ROBO1: variants seen among roughly 807,000 people sequenced by gnomAD.
ROBO1 encodes the protein roundabout guidance receptor 1, also known as roundabout homolog 1.
Under a neutral mutation model 195.9 loss-of-function variants are expected in ROBO1, and 149 were observed. The ratio of observed to expected loss-of-function variants is 0.76; its 90% CI spans 0.67 to 0.87. ROBO1 has a LOEUF of 0.87. Among genes scored for constraint, ROBO1 ranks in the 40% least tolerant of loss-of-function variants. The pLI, the probability that ROBO1 is intolerant of heterozygous loss-of-function variation, is 0.00. For missense variants in ROBO1, 1,933 were observed against 2,068.3 expected (o/e 0.93, Z 1.27); for synonymous variants, 816 against 733.2 (o/e 1.11, Z -1.82).
intron 2 of ROBO1, among the ~76,000 whole-genome samples, chr3:79,324,157 G>A (rs541747651): frequency 6.6e-6 from 1 of 152,232 alleles, no homozygotes; most frequent in East Asian, 1.9e-4. Flanking sequence ...CTGGCCATAA[G>A]CCTTTAGGTG....
chr3:78,643,988 G>T lies in ROBO1; in HGVS notation c.2882+2160C>A, dbSNP rs1005515586. Among the ~76,000 whole-genome samples, 9 of 152,126 alleles carry T rather than the reference G, an allele frequency of 5.9e-5. No individual in the cohort carries two copies. In the East Asian group the frequency reaches 1.7e-3, roughly 30 times the overall value. On this transcript the variant is annotated intron_variant, in intron 21 of 30. Coordinates refer to ENST00000464233, the MANE Select transcript of ROBO1 (RefSeq NM_002941.4). ...GCTTTGGTGTCATTAACTATGTGAG[G>T]TAGGAGGTCCAGTGAGGACTCAGAA...
intron 2 of ROBO1, among the ~76,000 whole-genome samples, chr3:79,326,210 G>A (rs2034204844): frequency 6.6e-6 from 1 of 152,134 alleles, no homozygotes; most frequent in African/African-American, 2.4e-5. Flanking sequence ...CCCCGGTCCT[G>A]TGGTCCTGTG....
chr3:79,607,602 G>GTTTTT (rs58634211), intron 1 of ROBO1, among the ~76,000 whole-genome samples: 2 of 147,632 alleles, frequency 1.4e-5, no homozygotes, highest in Non-Finnish European at 3.0e-5. Flanking sequence ...GTATTTCCAA[G>GTTTTT]TTTTTTTTTT....
At chr3:79,091,238 T>C (rs9852213) in intron 3 of ROBO1, among the ~76,000 whole-genome samples, 10,600 of 152,184 alleles carry the variant, frequency 0.07, 1,206 homozygotes, top group African/African-American at 0.24. Context: ...CATCAAAATG[T>C]AGATGAATCA....
intron 5 of ROBO1, among the ~76,000 whole-genome samples, chr3:78,724,238 C>A (rs2082110196): frequency 6.6e-6 from 1 of 151,994 alleles, no homozygotes; most frequent in African/African-American, 2.4e-5. Flanking sequence ...TCTTAAAAGG[C>A]CATAATTCTA....
chr3:79,044,701 T>G (rs1030919005), intron 3 of ROBO1, among the ~76,000 whole-genome samples: 1 of 152,064 alleles, frequency 6.6e-6, no homozygotes, highest in Non-Finnish European at 1.5e-5. Context: ...CACAGTCAGC[T>G]TTTTTTAAAA....
intron 2 of ROBO1, among the ~76,000 whole-genome samples, chr3:79,550,623 T>G (rs1230270026): frequency 1.3e-5 from 2 of 152,320 alleles, no homozygotes; most frequent in East Asian, 3.9e-4. Flanking sequence ...TGTTTAAAAA[T>G]TTTAGTTTAT....
At chr3:79,765,598 GCCTGAA>G (rs1704942983) in intron 1 of ROBO1, among the ~76,000 whole-genome samples, 1 of 152,154 alleles carries the variant, frequency 6.6e-6, no homozygotes, top group South Asian at 2.1e-4. Context: ...ACAAGTTTGG[GCCTGAA>G]AACCCAGTTA....
intron 1 of ROBO1, among the ~76,000 whole-genome samples, chr3:79,609,561 C>T (rs1483477447): frequency 6.6e-6 from 1 of 151,878 alleles, no homozygotes; most frequent in Non-Finnish European, 1.5e-5. Context: ...TTCACATTTA[C>T]AGCAGCATTA....
chr3:79,090,212 A>T (rs1021942110), intron 3 of ROBO1, among the ~76,000 whole-genome samples: 1 of 152,136 alleles, frequency 6.6e-6, no homozygotes, highest in Non-Finnish European at 1.5e-5. Context: ...TGCTGGGATT[A>T]CAGGCATGAG....
At chr3:79,248,374 CAAAAAAAAAA>C (rs10559171) in intron 2 of ROBO1, among the ~76,000 whole-genome samples, 2 of 36,208 alleles carry the variant, frequency 5.5e-5, no homozygotes, top group African/African-American at 9.9e-5. Context: ...GAAGACAGAC[CAAAAAAAAAA>C]AAAAAAAAAA....
intron 3 of ROBO1, among the ~76,000 whole-genome samples, chr3:79,076,875 T>C (rs1198886363): frequency 6.6e-6 from 1 of 151,878 alleles, no homozygotes; most frequent in Non-Finnish European, 1.5e-5. Flanking sequence ...TTTGTTAGAA[T>C]AGACAATTTT....
chr3:79,080,718 G>T (rs926121741), intron 3 of ROBO1, among the ~76,000 whole-genome samples: 4 of 152,056 alleles, frequency 2.6e-5, no homozygotes, highest in African/African-American at 9.7e-5. Context: ...TCTAATTCAT[G>T]CAGCCTTCAT....
intron 1 of ROBO1, among the ~76,000 whole-genome samples, chr3:79,613,193 C>T (rs1382754780): frequency 6.6e-6 from 1 of 151,918 alleles, no homozygotes; most frequent in Non-Finnish European, 1.5e-5. Flanking sequence ...TTTCATTTAG[C>T]TACACTGCTT....
intron 18 of ROBO1, 54 bp downstream of exon 18, chr3:78,657,044 T>G: frequency 3.4e-6 from 5 of 1,492,108 alleles, no homozygotes; most frequent in Non-Finnish European, 4.5e-6. Context: ...AAAAGCAAAG[T>G]GGGACACATG....
intron 1 of ROBO1, among the ~76,000 whole-genome samples, chr3:79,760,421 A>C (rs1277876247): frequency 6.6e-6 from 1 of 150,520 alleles, no homozygotes; most frequent in Non-Finnish European, 1.5e-5. Flanking sequence ...ATTTGAAAAA[A>C]CGATACAAAA....
chr3:79,016,725 C>A (rs2077946789), intron 3 of ROBO1, among the ~76,000 whole-genome samples: 1 of 152,160 alleles, frequency 6.6e-6, no homozygotes, highest in African/African-American at 2.4e-5. Flanking sequence ...GACCATTAAT[C>A]CCCCTATCTT....
chr3:79,050,385 C>G lies in ROBO1; in HGVS notation c.172+75071G>C, dbSNP rs2078674185. ...TATATGCATCCAATACAGAAGCACC[C>G]AGATTCATAACACAAGTCCTTAGAG... On this transcript the variant is annotated intron_variant, in intron 3 of 30. Transcript: ENST00000464233. 6.6e-5 allele frequency among the ~76,000 whole-genome samples: 10 copies of G among 152,172 alleles called. No homozygotes were observed. The South Asian group carries it at 1.9e-3, about 28-fold the overall frequency.
At chr3:79,333,874 C>T (rs1471651006) in intron 2 of ROBO1, among the ~76,000 whole-genome samples, 3 of 152,104 alleles carry the variant, frequency 2.0e-5, no homozygotes, top group South Asian at 2.1e-4. Flanking sequence ...GCTCACAATT[C>T]GTTTGTAAGA....
Sources: allele counts gnomAD v4.1 joint callset (sites outside exome capture counted in the v4.1 genomes callset), GRCh38; gene constraint gnomAD v4.1.1; transcripts MANE v1.5; gene names NCBI Gene and HGNC (gene_info 2026-07-23, HGNC 2026-07-21).